Variants in AMBRA1 observed in about 807,000 individuals in gnomAD.
The protein encoded by AMBRA1 is activating molecule in BECN1-regulated autophagy protein 1.
In AMBRA1, 47 loss-of-function variants were observed where a neutral mutation model predicts 125.4. The ratio of observed to expected loss-of-function variants is 0.37; its 90% confidence interval spans 0.30 to 0.48. The LOEUF is 0.48. Among genes scored for constraint, AMBRA1 ranks in the 20% least tolerant of loss-of-function variants. The pLI is 0.99. For missense variants in AMBRA1, 1,331 were observed against 1,693.4 expected (o/e 0.79, Z 3.76); for synonymous variants, 626 against 655.5 (o/e 0.95, Z 0.69).
rs1952826264 is a variant in AMBRA1, at chr11:46,543,001, G to C, written c.1016C>G (p.Pro339Arg). ...CTCGGTCTGTACAAAAGAAAAGGAA[G>C]GGGTAGTAGCTCTGGCAGAAGCAGG... Reference protein sequence around the residue: ...VPPASARATTPSFSFVQTEPF... With the variant: ...VPPASARATTRSFSFVQTEPF... Residue 339 changes from proline to arginine, a missense_variant, in exon 7 of 18, where the codon CCT (proline) becomes CGT (arginine). Coordinates refer to ENST00000683756, the MANE Select transcript of AMBRA1 (RefSeq NM_001387011.1). 2 of 1,600,812 alleles carry C rather than the reference G, an allele frequency of 1.2e-6. No individual in the cohort carries two copies. The highest frequency in any genetic ancestry group is 8.5e-7 in the Non-Finnish European group (1 of 1,179,930).
At chr11:46,447,250 A>T (rs908656473) in intron 11 of AMBRA1, among the ~76,000 whole-genome samples, 1 of 152,102 alleles carries the variant, frequency 6.6e-6, no homozygotes, top group Non-Finnish European at 1.5e-5. Flanking sequence ...CAAAAAAAAA[A>T]AAGGCCACGC....
intron 1 of AMBRA1, 72 bp from the exon 2 acceptor site, chr11:46,548,572 A>G: frequency 1.6e-6 from 1 of 618,232 alleles, no homozygotes; most frequent in Non-Finnish European, 2.7e-6. Context: ...ATACAATTCT[A>G]GCTCAAAAGG....
intron 11 of AMBRA1, among the ~76,000 whole-genome samples, chr11:46,455,976 C>T (rs1457509414): frequency 6.6e-6 from 1 of 152,180 alleles, no homozygotes; most frequent in Non-Finnish European, 1.5e-5. Flanking sequence ...ATGCTATAGA[C>T]TTGCCCTCCC....
intron 1 of AMBRA1, among the ~76,000 whole-genome samples, chr11:46,572,199 G>A (rs1212634604): frequency 6.6e-6 from 1 of 152,100 alleles, no homozygotes; most frequent in Non-Finnish European, 1.5e-5. Flanking sequence ...TACTCGGGAG[G>A]CTAAGGCAGG....
At chr11:46,479,077 A>T (rs1205268092) in intron 11 of AMBRA1, among the ~76,000 whole-genome samples, 3 of 152,076 alleles carry the variant, frequency 2.0e-5, no homozygotes, top group Admixed American at 6.6e-5. Context: ...CATGTGCAGT[A>T]GTCTCGGTTA....
In AMBRA1 at chr11:46,543,309, C is replaced by G; in HGVS notation, c.708G>C (p.Arg236=). The G allele has an allele frequency of 6.2e-7, 1 of 1,613,970 alleles. No individual in the cohort carries two copies. Among genetic ancestry groups the G allele is most frequent in the African/African-American group, 1.3e-5 (1 of 74,996 alleles). ...RALLQSQPVR[R]TPLLHNFLHM... ...GCAGGAAATTGTGGAGGAGAGGCGT[C>G]CGGCGAACTGGCTGTGATTGCAGGA... The change falls in exon 7 of 18, where the codon CGG becomes CGC. Residue 236 remains arginine, a synonymous_variant. Coordinates refer to ENST00000683756, the MANE Select transcript of AMBRA1 (RefSeq NM_001387011.1).
chr11:46,474,588 A>G (rs962361965), intron 11 of AMBRA1, among the ~76,000 whole-genome samples: 3 of 152,092 alleles, frequency 2.0e-5, no homozygotes, highest in Non-Finnish European at 2.9e-5. Context: ...GGGTTTCACA[A>G]TGTTGGCCAG....
At chr11:46,567,877 G>A (rs1416317212) in intron 1 of AMBRA1, among the ~76,000 whole-genome samples, 9 of 152,000 alleles carry the variant, frequency 5.9e-5, no homozygotes, top group Non-Finnish European at 8.8e-5. Flanking sequence ...GGCTGGGCGC[G>A]GTGGCTCACA....
chr11:46,433,460 G>C lies in AMBRA1; in HGVS notation c.2976+14C>G. ...GAGCTGCCATACAGTGAAGGCACAA[G>C]CAATGGCACTCACCCTCATGGAGGT... On this transcript the variant is annotated intron_variant, in intron 14 of 17. Coordinates refer to ENST00000683756, the MANE Select transcript of AMBRA1 (RefSeq NM_001387011.1). The C allele has an allele frequency of 1.2e-6, 2 of 1,612,782 alleles. No individual in the cohort carries two copies. The highest frequency in any genetic ancestry group is 1.7e-6 in the Non-Finnish European group (2 of 1,179,164).
intron 17 of AMBRA1, among the ~76,000 whole-genome samples, chr11:46,399,194 C>G (rs890228201): frequency 6.6e-6 from 1 of 152,144 alleles, no homozygotes; most frequent in Non-Finnish European, 1.5e-5. Flanking sequence ...TCCGCCTCAG[C>G]CTCCGAGTAG....
intron 1 of AMBRA1, among the ~76,000 whole-genome samples, chr11:46,579,870 G>C (rs895143320): frequency 7.2e-5 from 11 of 152,124 alleles, no homozygotes; most frequent in African/African-American, 2.7e-4. Flanking sequence ...GCACCACCAC[G>C]CCTGGCTAAC....
chr11:46,466,653 G>C (rs1309128231), intron 11 of AMBRA1, among the ~76,000 whole-genome samples: 1 of 152,186 alleles, frequency 6.6e-6, no homozygotes, highest in East Asian at 1.9e-4. Flanking sequence ...TGGCAGGAAA[G>C]AGAAATCTTT....
intron 11 of AMBRA1, among the ~76,000 whole-genome samples, chr11:46,460,814 C>T (rs892557946): frequency 4.6e-5 from 7 of 152,068 alleles, no homozygotes; most frequent in African/African-American, 1.2e-4. Flanking sequence ...AGGCCAGGCA[C>T]GGTGGCTCAC....
intron 11 of AMBRA1, among the ~76,000 whole-genome samples, chr11:46,449,888 A>G (rs1948488243): frequency 6.6e-6 from 1 of 152,112 alleles, no homozygotes; most frequent in Non-Finnish European, 1.5e-5. Context: ...GTGAAATCCC[A>G]TCTCTACTAA....
At chr11:46,545,512 A>C in intron 5 of AMBRA1, 92 bp downstream of exon 5, 3 of 1,475,796 alleles carry the variant, frequency 2.0e-6, no homozygotes, top group South Asian at 2.6e-5. Flanking sequence ...CTGAGCAGGG[A>C]TAACAACCTG....
chr11:46,450,222 T>C (rs1286088717), intron 11 of AMBRA1, among the ~76,000 whole-genome samples: 1 of 152,166 alleles, frequency 6.6e-6, no homozygotes, highest in Non-Finnish European at 1.5e-5. Flanking sequence ...AATGGAATAT[T>C]ATTCATGCTA....
rs774062481 is a variant in AMBRA1 at position 46,397,852 on chromosome 11, C to T, written c.3495G>A (p.Gln1165=). 6.2e-7 allele frequency: 1 copy of T among 1,601,578 alleles called. No homozygotes were observed. The highest frequency in any genetic ancestry group is 8.5e-7 in the Non-Finnish European group (1 of 1,179,948). The change falls in exon 18 of 18, where the codon CAG becomes CAA. Residue 1165 remains glutamine, a synonymous_variant. Coordinates refer to ENST00000683756, the MANE Select transcript of AMBRA1 (RefSeq NM_001387011.1). The part of the protein sequence containing the change: ...MAEGGMTAVV[Q]REQSTTMASM... ...AGGCCATGGTGGTGCTCTGCTCCCG[C>T]TGCACCACGGCTGTCATGCCGCCCT...
intron 1 of AMBRA1, among the ~76,000 whole-genome samples, chr11:46,565,609 A>AG (rs1029573011): frequency 1.3e-5 from 2 of 152,082 alleles, no homozygotes; most frequent in Admixed American, 1.3e-4. Flanking sequence ...TAGGAGGCAG[A>AG]GGTGGCAGGA....
chr11:46,459,354 G>C (rs1259430824), intron 11 of AMBRA1, among the ~76,000 whole-genome samples: 1 of 151,912 alleles, frequency 6.6e-6, no homozygotes, highest in Non-Finnish European at 1.5e-5. Flanking sequence ...ATATATTTTG[G>C]TATTACTTGA....
Sources: allele counts gnomAD v4.1 joint callset (sites outside exome capture counted in the v4.1 genomes callset), GRCh38; gene constraint gnomAD v4.1.1; transcripts MANE v1.5; gene names NCBI Gene and HGNC (gene_info 2026-07-23, HGNC 2026-07-21).